ZNF3: variants seen among roughly 807,000 people sequenced by gnomAD.
ZNF3 encodes zinc finger protein 3.
ZNF3 carries 16 observed loss-of-function variants against 36.9 expected under a neutral mutation model. The ratio of observed to expected loss-of-function variants is 0.43; its 90% CI spans 0.29 to 0.66. ZNF3 has a LOEUF of 0.66. Among genes scored for constraint, ZNF3 ranks in the 30% least tolerant of loss-of-function variants. The pLI is 0.13. For synonymous variants in ZNF3, 201 were observed against 201.9 expected, an observed-to-expected ratio of 1.00 and a Z score of 0.04; for missense variants, 462 against 543.1, an observed-to-expected ratio of 0.85 and a Z score of 1.48.
At chr7:100,074,085 G>A (rs889978323) in intron 5 of ZNF3, among the ~76,000 whole-genome samples, 6 of 151,876 alleles carry the variant, frequency 4.0e-5, no homozygotes, top group African/African-American at 7.3e-5. Flanking sequence ...AACGCAGGAC[G>A]CAGAGGTTGC....
chr7:100,064,799 CAGG>C (rs1350033878), exon 6 of ZNF3: 3 of 1,614,008 alleles, frequency 1.9e-6, no homozygotes, highest in Non-Finnish European at 2.5e-6. Context: ...CAGAAGGTGT[CAGG>C]AGGTTCCACA....
In ZNF3 at chr7:100,075,531, C is replaced by G. The variant is rs754761202; in HGVS notation, c.144+11G>C. The G allele has an allele frequency of 1.9e-6, 3 of 1,613,994 alleles. No homozygotes were observed. The highest frequency in any genetic ancestry group is 2.5e-6 in the Non-Finnish European group (3 of 1,179,920). ...ATGGAAAGGAAAAGGATAAACGGAA[C>G]CACAGCTCACCTGGGACTTGGCCTT... On this transcript the variant is annotated intron_variant, in intron 4 of 5. Coordinates refer to ENST00000299667, the MANE Select transcript of ZNF3 (RefSeq NM_032924.5).
chr7:100,076,132 C>T (rs1471044904), intron 3 of ZNF3, among the ~76,000 whole-genome samples: 1 of 151,596 alleles, frequency 6.6e-6, no homozygotes, highest in African/African-American at 2.4e-5. Flanking sequence ...GCCACTGCAC[C>T]CAGCATGAAG....
chr7:100,075,285 C>CA, intron 4 of ZNF3, 24 bp from the exon 5 acceptor site: 2 of 1,613,876 alleles, frequency 1.2e-6, no homozygotes, highest in Non-Finnish European at 1.7e-6. Context: ...TGCTGGCATG[C>CA]AATTTCAGGG....
chr7:100,071,986 G>C lies in ZNF3; in HGVS notation c.498C>G (p.Pro166=). ...GQVTVEEKLT[P]RGERSEKYND... is the part of the protein sequence containing the mutation. ...TATATTTCTCGCTTCTCTCTCCCCT[G>C]GGGGTTAGCTTCTCCTCAACTGTCA... The change falls in exon 6 of 6, where the codon CCC becomes CCG. Residue 166 remains proline, a synonymous_variant. Transcript: ENST00000299667. The C allele has an allele frequency of 6.2e-7, 1 of 1,614,054 alleles. No homozygotes were observed. Among genetic ancestry groups the C allele is most frequent in the Non-Finnish European group, 8.5e-7 (1 of 1,179,970 alleles).
At chr7:100,078,177 G>A (rs953508240) in intron 2 of ZNF3, among the ~76,000 whole-genome samples, 2 of 152,026 alleles carry the variant, frequency 1.3e-5, no homozygotes, top group Non-Finnish European at 2.9e-5. Flanking sequence ...ATGCAGGAGC[G>A]GGTATATACA....
In ZNF3 at chr7:100,074,991, A is replaced by T. The variant is rs1793835197; in HGVS notation, c.271+144T>A. 1.1e-5 allele frequency: 11 copies of T among 1,041,160 alleles called. No individual in the cohort carries two copies. The South Asian group carries it at 1.6e-4, about 15-fold the overall frequency. 64.5% of individuals were successfully genotyped at this position (1,041,160 alleles called of 1,614,324 possible). A position where few individuals can be genotyped will look rare whatever the true frequency, so the allele number is the denominator to read the frequency against. On this transcript the variant is annotated intron_variant, in intron 5 of 5. Coordinates refer to ENST00000299667, the MANE Select transcript of ZNF3 (RefSeq NM_032924.5). ...GGGAACACTTGAATCTGGGAGATGGATGTTGCACTGAGCAAAGATTGTGCC... is the reference window on the plus strand; with the variant it reads ...GGGAACACTTGAATCTGGGAGATGGTTGTTGCACTGAGCAAAGATTGTGCC...
chr7:100,073,463 C>G (rs1793552252), intron 5 of ZNF3, among the ~76,000 whole-genome samples: 1 of 152,126 alleles, frequency 6.6e-6, no homozygotes, highest in Admixed American at 6.5e-5. Flanking sequence ...ATTCTCCTGC[C>G]TCAGCCTCCC....
downstream of ZNF3, among the ~76,000 whole-genome samples, chr7:100,067,598 C>G (rs1792715187): frequency 6.6e-6 from 1 of 152,080 alleles, no homozygotes; most frequent in African/African-American, 2.4e-5. Flanking sequence ...GACTGGGTCT[C>G]ACTATGTTGC....
At chr7:100,068,241 C>T (rs1415583370), downstream of ZNF3, among the ~76,000 whole-genome samples, 1 of 152,130 alleles carries the variant, frequency 6.6e-6, no homozygotes, top group Non-Finnish European at 1.5e-5. Flanking sequence ...CATGTGCCAC[C>T]AAGCCTAATT....
chr7:100,069,813 A>G (rs577138915), downstream of ZNF3, among the ~76,000 whole-genome samples: 2 of 152,250 alleles, frequency 1.3e-5, no homozygotes, highest in South Asian at 4.1e-4. Context: ...GGGTTTCTCC[A>G]TGTTGGTCAG....
chr7:100,069,573 ATTAAG>A (rs1792833597), downstream of ZNF3, among the ~76,000 whole-genome samples: 1 of 144,774 alleles, frequency 6.9e-6, no homozygotes, highest in Admixed American at 6.9e-5. Flanking sequence ...AAAAAAAAAA[ATTAAG>A]TCAACTTTCA....
rs1241959136 is a variant in ZNF3, at chr7:100,075,232, C to A, written c.174G>T (p.Val58=). ...QELVTFEDVA[V]YFIRKEWKRL... ...GCTTCCACTCCTTCCGGATGAAGTACACAGCTACATCCTCAAAGGTTACCA... is the reference window on the plus strand; with the variant it reads ...GCTTCCACTCCTTCCGGATGAAGTAAACAGCTACATCCTCAAAGGTTACCA... The change falls in exon 5 of 6, where the codon GTG becomes GTT. Residue 58 remains valine, a synonymous_variant. Coordinates refer to ENST00000299667, the MANE Select transcript of ZNF3 (RefSeq NM_032924.5). The A allele has an allele frequency of 6.2e-7, 1 of 1,614,140 alleles. No homozygotes were observed.
At chr7:100,064,341 CA>C in exon 6 of ZNF3, 1 of 1,614,202 alleles carries the variant, frequency 6.2e-7, no homozygotes, top group Non-Finnish European at 8.5e-7. Flanking sequence ...ATCGGATCCA[CA>C]CTGGGGAGAA....
chr7:100,070,891 C>A lies in ZNF3; in HGVS notation c.*252G>T. On this transcript the variant is annotated 3_prime_UTR_variant, in exon 6 of 6. Transcript: ENST00000299667. ...CTGCTGTGAGAAAAACAGTTTAGTG[C>A]AAACTCCTTTCCTAAATGGGGTAAC... The A allele has an allele frequency of 7.8e-7, 1 of 1,279,420 alleles. No homozygotes were observed. Among genetic ancestry groups the A allele is most frequent in the Non-Finnish European group, 9.9e-7 (1 of 1,013,770 alleles). 79.3% of individuals were successfully genotyped at this position (1,279,420 alleles called of 1,614,324 possible). A position where few individuals can be genotyped will look rare whatever the true frequency, so the allele number is the denominator to read the frequency against.
intron 5 of ZNF3, among the ~76,000 whole-genome samples, chr7:100,073,352 T>G (rs1227419136): frequency 6.6e-6 from 1 of 152,066 alleles, no homozygotes; most frequent in African/African-American, 2.4e-5. Flanking sequence ...TCTTTCTTTT[T>G]TTGTTTTTGT....
At chr7:100,075,357 G>T (rs1562872198) in intron 4 of ZNF3, 96 bp from the exon 5 acceptor site, 1 of 1,603,040 alleles carries the variant, frequency 6.2e-7, no homozygotes. Flanking sequence ...ATGCACATTT[G>T]GGAAGGGAGG....
Position 100,071,198 on chromosome 7 carries a change from A to G in ZNF3, c.1286T>C (p.Met429Thr), listed in dbSNP as rs900647398. 1.2e-6 allele frequency: 2 copies of G among 1,612,328 alleles called. No homozygotes were observed. Among genetic ancestry groups the G allele is most frequent in the African/African-American group, 1.3e-5 (1 of 74,986 alleles). ...CGTAACTCTGAGGGAGCTTTTGCTC[A>G]TGCCGATCCCATTCAAAGGCTTCTC... ...TGEKPLNGIG[M>T]SKSSLRVTTE... Residue 429 changes from methionine to threonine, a missense_variant, in exon 6 of 6, where the codon ATG becomes ACG. Met to Thr is a moderately conservative substitution (Grantham distance 81). Transcript: ENST00000299667.
intron 1 of ZNF3, among the ~76,000 whole-genome samples, chr7:100,080,051 A>T (rs183359522): frequency 1.3e-5 from 2 of 152,206 alleles, no homozygotes; most frequent in Admixed American, 1.3e-4. Context: ...AAAAAAAGAG[A>T]ATACTTATTA....
Sources: allele counts gnomAD v4.1 joint callset (sites outside exome capture counted in the v4.1 genomes callset), GRCh38; gene constraint gnomAD v4.1.1; transcripts MANE v1.5; gene names NCBI Gene and HGNC (gene_info 2026-07-23, HGNC 2026-07-21).